Variants in LUZP2 observed in about 807,000 individuals in gnomAD.
LUZP2 encodes the protein leucine zipper protein 2.
A neutral mutation model predicts 51.6 loss-of-function variants in LUZP2; 52 were observed. The ratio of observed to expected loss-of-function variants is 1.01; its 90% CI spans 0.81 to 1.27. The LOEUF is 1.27. LUZP2 is among the 50% of genes most tolerant of loss of function. The probability of loss-of-function intolerance (pLI) is 0.00; values close to 1 mark genes in which losing one functional copy is unlikely to be tolerated. For synonymous variants in LUZP2, 154 were observed against 137.3 expected, an observed-to-expected ratio of 1.12 and a Z score of -0.85; for missense variants, 436 against 395.4, an observed-to-expected ratio of 1.10 and a Z score of -0.87.
At chr11:24,728,888 G>A (rs1196639282) in intron 1 of LUZP2, among the ~76,000 whole-genome samples, 1 of 151,886 alleles carries the variant, frequency 6.6e-6, no homozygotes, top group East Asian at 1.9e-4. Context: ...GGAAGAAGAC[G>A]AAAGGCATGT....
At chr11:24,785,081 T>C (rs1003179645) in intron 5 of LUZP2, among the ~76,000 whole-genome samples, 1 of 152,028 alleles carries the variant, frequency 6.6e-6, no homozygotes, top group African/African-American at 2.4e-5. Context: ...TTCCCTGTAG[T>C]TACACTATTT....
intron 9 of LUZP2, 29 bp from the exon 10 acceptor site, chr11:25,050,009 T>C: frequency 2.2e-6 from 3 of 1,374,628 alleles, no homozygotes; most frequent in Non-Finnish European, 3.0e-6. Flanking sequence ...GTGATTTCTT[T>C]CTTTCTATCT....
chr11:24,646,514 C>G, intron 1 of LUZP2: 1 of 824,822 alleles, frequency 1.2e-6, no homozygotes, highest in Non-Finnish European at 1.5e-6. Flanking sequence ...AATTTACAGC[C>G]CTGCTTTCCT....
At chr11:24,964,613 A>G (rs1260674647) in intron 7 of LUZP2, among the ~76,000 whole-genome samples, 2 of 152,160 alleles carry the variant, frequency 1.3e-5, no homozygotes, top group African/African-American at 4.8e-5. Flanking sequence ...TTTAAAATTA[A>G]TAACTACAGG....
Position 25,005,415 on chromosome 11 carries a change from T to C in LUZP2, c.765+22122T>C, listed in dbSNP as rs141931051. 7.1e-3 allele frequency among the ~76,000 whole-genome samples: 1,087 copies of C among 152,214 alleles called. 15 individuals carry two copies. The highest frequency in any genetic ancestry group is 0.022 in the African/African-American group (909 of 41,528). On this transcript the variant is annotated intron_variant, in intron 9 of 11. Transcript: ENST00000336930. Reference sequence around the variant, plus strand: ...GAAAAGGTCAAGCTGCAGGATAGTTTTGTAATTTATATTTCCCTCAGGTCA... The same window carrying C: ...GAAAAGGTCAAGCTGCAGGATAGTTCTGTAATTTATATTTCCCTCAGGTCA...
At chr11:24,736,794 C>A (rs1289440046) in intron 3 of LUZP2, among the ~76,000 whole-genome samples, 1 of 151,818 alleles carries the variant, frequency 6.6e-6, no homozygotes, top group African/African-American at 2.4e-5. Context: ...TAAATGAAAC[C>A]AGTTTGAGAC....
chr11:24,775,572 T>C (rs1338063452), intron 5 of LUZP2, among the ~76,000 whole-genome samples: 1 of 152,184 alleles, frequency 6.6e-6, no homozygotes, highest in East Asian at 1.9e-4. Flanking sequence ...AGGGTGGCTG[T>C]CTTATGGAAG....
chr11:25,029,305 T>C (rs749712911), intron 9 of LUZP2, among the ~76,000 whole-genome samples: 7 of 152,146 alleles, frequency 4.6e-5, no homozygotes, highest in Non-Finnish European at 1.0e-4. Flanking sequence ...TTAGTTCACA[T>C]TGCATGCCTG....
chr11:24,618,353 C>T (rs1176951264), intron 1 of LUZP2, among the ~76,000 whole-genome samples: 1 of 152,174 alleles, frequency 6.6e-6, no homozygotes, highest in Non-Finnish European at 1.5e-5. Flanking sequence ...CCCTACTTAG[C>T]CTTCTCTTAT....
At chr11:25,014,385 A>G (rs890853334) in intron 9 of LUZP2, among the ~76,000 whole-genome samples, 3 of 152,104 alleles carry the variant, frequency 2.0e-5, no homozygotes, top group East Asian at 1.9e-4. Flanking sequence ...AAGTCTTCCT[A>G]TTTCTCCACA....
intron 5 of LUZP2, among the ~76,000 whole-genome samples, chr11:24,790,874 C>T (rs777402323): frequency 3.2e-4 from 49 of 152,102 alleles, no homozygotes; most frequent in Non-Finnish European, 5.4e-4. Context: ...TGTTCCAGAC[C>T]TCAGTCTTCA....
chr11:24,569,753 A>G (rs1173312987), intron 1 of LUZP2, among the ~76,000 whole-genome samples: 1 of 152,036 alleles, frequency 6.6e-6, no homozygotes, highest in African/African-American at 2.4e-5. Flanking sequence ...TAAACAAACA[A>G]TAGATGCTGA....
intron 5 of LUZP2, among the ~76,000 whole-genome samples, chr11:24,772,118 A>G (rs958995696): frequency 1.1e-4 from 16 of 152,214 alleles, no homozygotes; most frequent in African/African-American, 3.9e-4. Context: ...GATGCAGAAA[A>G]ACAGTATATG....
At chr11:24,769,720 A>G (rs1156746668) in intron 5 of LUZP2, among the ~76,000 whole-genome samples, 1 of 142,612 alleles carries the variant, frequency 7.0e-6, no homozygotes, top group Non-Finnish European at 1.5e-5. Flanking sequence ...ATTATAATTG[A>G]TTTGTTTCCT....
At chr11:24,921,534 C>A (rs1310326544) in intron 7 of LUZP2, among the ~76,000 whole-genome samples, 3 of 152,038 alleles carry the variant, frequency 2.0e-5, no homozygotes, top group Admixed American at 2.0e-4. Context: ...CCGGCATGTG[C>A]GTATTACAGC....
At chr11:25,003,038 G>A (rs1856734651) in intron 9 of LUZP2, among the ~76,000 whole-genome samples, 1 of 152,142 alleles carries the variant, frequency 6.6e-6, no homozygotes, top group African/African-American at 2.4e-5. Flanking sequence ...GAGGGCCCTG[G>A]TTCCTCTGGC....
Position 25,078,687 on chromosome 11 carries a change from A to C in LUZP2, c.*29A>C. 1 of 1,482,962 alleles carries C rather than the reference A, an allele frequency of 6.7e-7. No homozygotes were observed. The allele number at this position is 1,482,962 out of a possible 1,614,324, so 91.9% of individuals were successfully genotyped here. A position where few individuals can be genotyped will look rare whatever the true frequency, so the allele number is the denominator to read the frequency against. On this transcript the variant is annotated 3_prime_UTR_variant, in exon 12 of 12. Coordinates refer to ENST00000336930, the MANE Select transcript of LUZP2 (RefSeq NM_001009909.4). The stretch of plus-strand genomic sequence containing the variant: ...CTAAGAAACTGTGTTAAAAACGTCC[A>C]TTTGCTATTGTCTTCATATTCTTTT...
chr11:24,937,868 T>A (rs1364754718), intron 7 of LUZP2, among the ~76,000 whole-genome samples: 3 of 147,894 alleles, frequency 2.0e-5, no homozygotes, highest in Admixed American at 6.9e-5. Context: ...GCCACTGCAC[T>A]CCAGCCTGGG....
At chr11:24,875,635 G>A (rs1339495226) in intron 5 of LUZP2, among the ~76,000 whole-genome samples, 6 of 150,140 alleles carry the variant, frequency 4.0e-5, no homozygotes, top group Admixed American at 2.7e-4. Context: ...GGATGGCTGG[G>A]TCAAATGGTA....
Sources: allele counts gnomAD v4.1 joint callset (sites outside exome capture counted in the v4.1 genomes callset), GRCh38; gene constraint gnomAD v4.1.1; transcripts MANE v1.5; gene names NCBI Gene and HGNC (gene_info 2026-07-23, HGNC 2026-07-21).